The following SUMO2 variants were observed in gnomAD, a reference collection of about 807,000 sequenced individuals.
The protein encoded by SUMO2 is small ubiquitin like modifier 2.
A neutral mutation model predicts 16.0 loss-of-function variants in SUMO2; 1 was observed. That is an observed-to-expected ratio of 0.06 (90% CI 0.02 to 0.30). SUMO2 has a LOEUF of 0.30. SUMO2 is among the 10% of genes least tolerant of loss of function. The pLI is 1.00. For missense variants in SUMO2, 16 were observed against 117.5 expected (o/e 0.14, Z 3.99); for synonymous variants, 36 against 40.6 (o/e 0.89, Z 0.43).
chr17:75,182,840 G>T lies in SUMO2; in HGVS notation c.-6C>A. ...TTGGGCTTTTCGTCGGCCATGGCGA[G>T]CGCCGGAGTCTCCTCAGCTGCCGCT... On this transcript the variant is annotated 5_prime_UTR_variant, in exon 1 of 4. Coordinates refer to ENST00000420826, the MANE Select transcript of SUMO2 (RefSeq NM_006937.4). 1 of 1,408,776 alleles carries T rather than the reference G, an allele frequency of 7.1e-7. No individual in the cohort carries two copies. Among genetic ancestry groups the T allele is most frequent in the Non-Finnish European group, 9.3e-7 (1 of 1,074,510 alleles). The allele number at this position is 1,408,776 out of a possible 1,614,324, so 87.3% of individuals were successfully genotyped here. A position where few individuals can be genotyped will look rare whatever the true frequency, so the allele number is the denominator to read the frequency against.
At position 75,168,206 on chromosome 17, in the gene SUMO2, G is replaced by T; in HGVS notation, c.*133C>A. The T allele has an allele frequency of 1.5e-6, 1 of 660,882 alleles. No homozygotes were observed. Among genetic ancestry groups the T allele is most frequent in the Non-Finnish European group, 2.4e-6 (1 of 411,688 alleles). 40.9% of individuals were successfully genotyped at this position (660,882 alleles called of 1,614,324 possible). On this transcript the variant is annotated 3_prime_UTR_variant, in exon 4 of 4. Coordinates refer to ENST00000420826, the MANE Select transcript of SUMO2 (RefSeq NM_006937.4). Reference sequence around the variant, plus strand: ...TGTACAATAAAGGAATGGGGAAGGGGGAAATGAAAGAATAGAGAAAACTAT... The same window carrying T: ...TGTACAATAAAGGAATGGGGAAGGGTGAAATGAAAGAATAGAGAAAACTAT...
intron 1 of SUMO2, among the ~76,000 whole-genome samples, chr17:75,182,097 A>G (rs1334559742): frequency 6.6e-6 from 1 of 152,018 alleles, no homozygotes; most frequent in Non-Finnish European, 1.5e-5. Flanking sequence ...AAGCCGCACA[A>G]AGTCTCTCTG....
Position 75,174,747 on chromosome 17 carries a change from T to C in SUMO2, c.225+5A>G. On this transcript the variant is annotated splice_donor_5th_base_variant and intron_variant, in intron 3 of 3. Transcript: ENST00000420826. ...AATTTTTCTAATTAGGAGAGATTTT[T>C]TTACCTGTGCAGGTGTGTCTGTTTC... is the stretch of plus-strand genomic sequence containing the variant. The C allele has an allele frequency of 1.2e-6, 2 of 1,612,308 alleles. No homozygotes were observed. The highest frequency in any genetic ancestry group is 1.7e-6 in the Non-Finnish European group (2 of 1,179,256).
chr17:75,169,369 T>G (rs1048914762), intron 3 of SUMO2, among the ~76,000 whole-genome samples: 1 of 151,354 alleles, frequency 6.6e-6, no homozygotes, highest in Non-Finnish European at 1.5e-5. Context: ...TGACACCCCA[T>G]CCCTATTAAA....
At chr17:75,169,719 T>C (rs969908654) in intron 3 of SUMO2, among the ~76,000 whole-genome samples, 1 of 151,780 alleles carries the variant, frequency 6.6e-6, no homozygotes, top group Non-Finnish European at 1.5e-5. Flanking sequence ...CATGGTGGCA[T>C]GTGCCCGTAA....
intron 1 of SUMO2, chr17:75,182,435 C>G (rs1263659918): frequency 1.2e-5 from 2 of 164,802 alleles, no homozygotes; most frequent in African/African-American, 4.8e-5. Flanking sequence ...GAGACTGCAA[C>G]ACCCGACGCG....
chr17:75,179,922 G>C (rs913097650), intron 2 of SUMO2, among the ~76,000 whole-genome samples: 1 of 152,150 alleles, frequency 6.6e-6, no homozygotes, highest in Non-Finnish European at 1.5e-5. Flanking sequence ...TGGGATTACA[G>C]ATATGAGCCA....
intron 2 of SUMO2, among the ~76,000 whole-genome samples, chr17:75,176,242 G>A (rs1258171358): frequency 6.6e-6 from 1 of 151,984 alleles, no homozygotes; most frequent in Non-Finnish European, 1.5e-5. Context: ...GTTTCACCGT[G>A]TTAGCCAGGA....
chr17:75,173,150 T>A (rs185514293), intron 3 of SUMO2, among the ~76,000 whole-genome samples: 1 of 152,230 alleles, frequency 6.6e-6, no homozygotes, highest in African/African-American at 2.4e-5. Context: ...CATTGTAAAA[T>A]ATGTTTCAGA....
At chr17:75,173,685 C>CA (rs1037790816) in intron 3 of SUMO2, among the ~76,000 whole-genome samples, 5 of 152,084 alleles carry the variant, frequency 3.3e-5, no homozygotes, top group Admixed American at 2.0e-4. Context: ...CCATGTTGCC[C>CA]AGGCTGGTCT....
chr17:75,169,920 C>T (rs2074723538), intron 3 of SUMO2, among the ~76,000 whole-genome samples: 4 of 150,634 alleles, frequency 2.7e-5, no homozygotes, highest in Non-Finnish European at 3.0e-5. Context: ...TTTGGGAGGC[C>T]GAGGCAGGCA....
At chr17:75,180,985 T>C in intron 2 of SUMO2, 72 bp downstream of exon 2, 1 of 1,581,092 alleles carries the variant, frequency 6.3e-7, no homozygotes, top group Non-Finnish European at 8.6e-7. Flanking sequence ...GCTAGTCTAG[T>C]TTTTGTTCCC....
At chr17:75,174,312 G>A (rs939322402) in intron 3 of SUMO2, among the ~76,000 whole-genome samples, 5 of 152,160 alleles carry the variant, frequency 3.3e-5, no homozygotes, top group Admixed American at 6.6e-5. Flanking sequence ...AATTGCTTAA[G>A]CATGGCAGGC....
chr17:75,170,141 C>G (rs970583384), intron 3 of SUMO2, among the ~76,000 whole-genome samples: 3 of 151,770 alleles, frequency 2.0e-5, no homozygotes, highest in African/African-American at 7.3e-5. Flanking sequence ...CATGCCATTG[C>G]ATGTGACAAG....
chr17:75,172,179 T>C (rs1047924324), intron 3 of SUMO2, among the ~76,000 whole-genome samples: 1 of 151,874 alleles, frequency 6.6e-6, no homozygotes, highest in Non-Finnish European at 1.5e-5. Flanking sequence ...AGCACCACCA[T>C]GCCCGGCTAA....
At chr17:75,171,447 G>A (rs371947862) in intron 3 of SUMO2, among the ~76,000 whole-genome samples, 1 of 151,890 alleles carries the variant, frequency 6.6e-6, no homozygotes, top group Non-Finnish European at 1.5e-5. Context: ...CCAGGAAGCA[G>A]AGGTTGCAGT....
intron 1 of SUMO2, among the ~76,000 whole-genome samples, chr17:75,182,192 C>T (rs952150668): frequency 6.6e-6 from 1 of 152,172 alleles, no homozygotes; most frequent in Non-Finnish European, 1.5e-5. Context: ...AGCCGCTGCC[C>T]CTCCCCCTTC....
intron 1 of SUMO2, among the ~76,000 whole-genome samples, chr17:75,181,745 G>A (rs1333005397): frequency 6.6e-6 from 1 of 152,038 alleles, no homozygotes; most frequent in Non-Finnish European, 1.5e-5. Flanking sequence ...CGGAACAGCG[G>A]TAATACTCAG....
At chr17:75,174,661 A>T in intron 3 of SUMO2, 91 bp downstream of exon 3, 3 of 1,212,988 alleles carry the variant, frequency 2.5e-6, no homozygotes, top group Non-Finnish European at 3.5e-6. Context: ...ACAAGAACTT[A>T]TACTCCAGTG....
Sources: gnomAD v4.1 joint callset for allele counts (sites outside exome capture counted in the v4.1 genomes callset) on GRCh38, gnomAD v4.1.1 for gene constraint, MANE v1.5 for transcripts, NCBI Gene and HGNC (gene_info 2026-07-23, HGNC 2026-07-21) for gene names.